KANSL1: variants seen among roughly 807,000 people sequenced by gnomAD.
KANSL1 encodes MLL1/MLL complex subunit KANSL1.
KANSL1 carries 22 observed loss-of-function variants against 103.6 expected under a neutral mutation model. The ratio of observed to expected loss-of-function variants is 0.21; its 90% CI spans 0.15 to 0.30. The LOEUF is 0.30. Ranked by LOEUF, KANSL1 falls within the 10% of genes least tolerant of loss-of-function variation. KANSL1 has a pLI of 1.00. For synonymous variants in KANSL1, 600 were observed against 527.6 expected, an observed-to-expected ratio of 1.14 and a Z score of -1.88; for missense variants, 1,337 against 1,399.8, an observed-to-expected ratio of 0.96 and a Z score of 0.72.
intron 4 of KANSL1, among the ~76,000 whole-genome samples, chr17:46,068,949 G>T (rs1568412498): frequency 6.6e-6 from 1 of 152,040 alleles, no homozygotes; most frequent in South Asian, 2.1e-4. Flanking sequence ...TTTTTGAGAT[G>T]AAGTCTCGCT....
intron 2 of KANSL1, among the ~76,000 whole-genome samples, chr17:46,105,144 A>G: frequency 6.6e-6 from 1 of 152,174 alleles, no homozygotes; most frequent in East Asian, 1.9e-4. Context: ...TAAGACTGTT[A>G]TGTTTCAAGA....
chr17:46,084,265 C>G (rs1204107652), intron 3 of KANSL1, among the ~76,000 whole-genome samples: 1 of 151,978 alleles, frequency 6.6e-6, no homozygotes, highest in African/African-American at 2.4e-5. Context: ...GCCCATAGTC[C>G]CAGCTACTCG....
At chr17:46,168,151 C>A (rs961191905) in intron 2 of KANSL1, among the ~76,000 whole-genome samples, 2 of 152,192 alleles carry the variant, frequency 1.3e-5, no homozygotes, top group African/African-American at 2.4e-5. Context: ...CATCAAAGAA[C>A]AACTTTTTCT....
At chr17:46,187,404 T>C (rs1354695049) in intron 1 of KANSL1, among the ~76,000 whole-genome samples, 2 of 152,204 alleles carry the variant, frequency 1.3e-5, no homozygotes, top group Non-Finnish European at 2.9e-5. Flanking sequence ...GTAATTAAAA[T>C]TCAGAGTAAG....
chr17:46,193,662 G>A (rs1298283615), upstream of KANSL1: 2 of 312,326 alleles, frequency 6.4e-6, no homozygotes, highest in Non-Finnish European at 1.3e-5. Context: ...CGCGGCGCCC[G>A]GCCCCAGCTG....
intron 2 of KANSL1, among the ~76,000 whole-genome samples, chr17:46,142,407 G>A (rs2044466903): frequency 6.6e-6 from 1 of 152,154 alleles, no homozygotes; most frequent in Admixed American, 6.5e-5. Flanking sequence ...TTGAGTCCAG[G>A]AGTTTGAGAC....
chr17:46,109,819 C>A (rs1420011514), intron 2 of KANSL1, among the ~76,000 whole-genome samples: 1 of 152,228 alleles, frequency 6.6e-6, no homozygotes, highest in Non-Finnish European at 1.5e-5. Context: ...GTACTCTATG[C>A]CCTTACATCT....
chr17:46,201,231 C>T (rs1310163744), intron 1 of KANSL1, among the ~76,000 whole-genome samples: 1 of 152,160 alleles, frequency 6.6e-6, no homozygotes, highest in Non-Finnish European at 1.5e-5. Context: ...ATTTTTAACC[C>T]ACTAATTCTT....
At chr17:46,097,756 A>T (rs1165415776) in intron 2 of KANSL1, among the ~76,000 whole-genome samples, 1 of 152,138 alleles carries the variant, frequency 6.6e-6, no homozygotes, top group African/African-American at 2.4e-5. Context: ...CTCACTGCTA[A>T]AACTTATGAC....
At chr17:46,105,856 G>A (rs1397310344) in intron 2 of KANSL1, among the ~76,000 whole-genome samples, 3 of 145,118 alleles carry the variant, frequency 2.1e-5, no homozygotes, top group African/African-American at 8.1e-5. Context: ...GGGCAGCACA[G>A]CAAGACCTTC....
At chr17:46,181,357 A>C (rs1313258062) in intron 1 of KANSL1, among the ~76,000 whole-genome samples, 1 of 152,056 alleles carries the variant, frequency 6.6e-6, no homozygotes, top group Non-Finnish European at 1.5e-5. Flanking sequence ...CAGCTTCCTG[A>C]CTAGTGCCTC....
intron 4 of KANSL1, among the ~76,000 whole-genome samples, chr17:46,077,090 C>T (rs889176079): frequency 2.6e-5 from 4 of 152,204 alleles, no homozygotes; most frequent in African/African-American, 7.2e-5. Context: ...CTCACCCCGT[C>T]GCCCAGGCTC....
At chr17:46,059,788 C>G (rs2078092979) in intron 6 of KANSL1, among the ~76,000 whole-genome samples, 1 of 152,012 alleles carries the variant, frequency 6.6e-6, no homozygotes, top group Non-Finnish European at 1.5e-5. Context: ...GATCTTGACT[C>G]ACTGCAACCT....
chr17:46,142,612 T>TCAAAA (rs139628243), intron 2 of KANSL1, among the ~76,000 whole-genome samples: 50 of 152,186 alleles, frequency 3.3e-4, no homozygotes, highest in African/African-American at 6.5e-4. Context: ...GCAGACTGTA[T>TCAAAA]CAAAACAAAA....
chr17:46,211,575 C>A (rs2048172120), intron 1 of KANSL1, among the ~76,000 whole-genome samples: 1 of 152,158 alleles, frequency 6.6e-6, no homozygotes, highest in Admixed American at 6.6e-5. Context: ...AACTAAAATG[C>A]AGTTCTGAGT....
At chr17:46,179,849 A>G (rs570049909) in intron 1 of KANSL1, among the ~76,000 whole-genome samples, 4 of 152,232 alleles carry the variant, frequency 2.6e-5, no homozygotes, top group Non-Finnish European at 4.4e-5. Flanking sequence ...CGGGTAGATC[A>G]CCTGAGATCA....
At chr17:46,089,059 A>T (rs2079274873) in intron 3 of KANSL1, among the ~76,000 whole-genome samples, 1 of 152,266 alleles carries the variant, frequency 6.6e-6, no homozygotes, top group Non-Finnish European at 1.5e-5. Context: ...GCCTTTTACA[A>T]GCCTCTGAAG....
At chr17:46,070,744 T>C (rs931207948) in intron 4 of KANSL1, among the ~76,000 whole-genome samples, 16 of 152,056 alleles carry the variant, frequency 1.1e-4, no homozygotes, top group African/African-American at 3.6e-4. Context: ...GATTTATATA[T>C]GGTATATATA....
At chr17:46,147,572 TAAAAAAAAAAAA>T (rs10717937) in intron 2 of KANSL1, among the ~76,000 whole-genome samples, 8 of 103,078 alleles carry the variant, frequency 7.8e-5, no homozygotes, top group East Asian at 3.4e-4. Context: ...TGAGACTCTT[TAAAAAAAAAAAA>T]AAAAAAAAAA....
Sources: gnomAD v4.1 joint callset for allele counts (sites outside exome capture counted in the v4.1 genomes callset) on GRCh38, gnomAD v4.1.1 for gene constraint, MANE v1.5 for transcripts, NCBI Gene and HGNC (gene_info 2026-07-23, HGNC 2026-07-21) for gene names.